NALCN: variants seen among roughly 807,000 people sequenced by gnomAD.
NALCN encodes the protein sodium leak channel NALCN.
A neutral mutation model predicts 225.3 loss-of-function variants in NALCN; 111 were observed. The observed-to-expected ratio is 0.49, with a 90% CI of 0.42 to 0.58. The LOEUF is 0.58. NALCN is among the 20% of genes least tolerant of loss of function. The pLI is 0.00. For missense variants in NALCN, 1,378 were observed against 2,202.4 expected (o/e 0.63, Z 7.49); for synonymous variants, 764 against 769.0 (o/e 0.99, Z 0.11).
intron 11 of NALCN, among the ~76,000 whole-genome samples, chr13:101,239,675 T>C (rs893813720): frequency 6.6e-6 from 1 of 152,092 alleles, no homozygotes; most frequent in African/African-American, 2.4e-5. Context: ...ACATTGCTAC[T>C]TCAATAAAAA....
chr13:101,378,900 T>A (rs1242587610), intron 3 of NALCN, among the ~76,000 whole-genome samples: 1 of 100,968 alleles, frequency 9.9e-6, no homozygotes, highest in Non-Finnish European at 2.6e-5. Context: ...ATATCACTAT[T>A]TTTTTTTTCT....
At chr13:101,103,519 A>T (rs920629821) in intron 25 of NALCN, among the ~76,000 whole-genome samples, 180 bp from the exon 26 acceptor site, 1 of 151,970 alleles carries the variant, frequency 6.6e-6, no homozygotes, top group Non-Finnish European at 1.5e-5. Flanking sequence ...CTCAAAGGAA[A>T]GTCATCATGT....
chr13:101,142,389 G>T (rs148216361), intron 17 of NALCN, among the ~76,000 whole-genome samples: 1 of 151,818 alleles, frequency 6.6e-6, no homozygotes, highest in Admixed American at 6.6e-5. Context: ...TGATCCACCC[G>T]CCTCGGCCTC....
chr13:101,215,363 T>A (rs2140091829), intron 13 of NALCN, among the ~76,000 whole-genome samples: 1 of 152,306 alleles, frequency 6.6e-6, no homozygotes, highest in Admixed American at 6.5e-5. Flanking sequence ...AACACCTGGA[T>A]GCATTACTTT....
rs767899309 is a variant in NALCN at position 101,346,057 on chromosome 13, TTCTCTCTCTC to T, written c.645-647_645-638del. 1.6e-4 allele frequency among the ~76,000 whole-genome samples: 12 copies of T among 75,558 alleles called. No homozygotes were observed. In the East Asian group the frequency reaches 1.8e-3, roughly 12 times the overall value. The allele number at this position is 75,558 out of a possible 152,430, so 49.6% of individuals were successfully genotyped here. On this transcript the variant is annotated intron_variant, in intron 6 of 43. Coordinates refer to ENST00000251127, the MANE Select transcript of NALCN (RefSeq NM_052867.4). ...TATATATATGAGACCTTGAGAGACT[TTCTCTCTCTC>T]TCTCTCTCTCTCTCTCTCTCTATAT...
chr13:101,354,474 G>A (rs2045992330), intron 6 of NALCN, among the ~76,000 whole-genome samples: 1 of 152,184 alleles, frequency 6.6e-6, no homozygotes, highest in African/African-American at 2.4e-5. Context: ...TGGGCCAAGA[G>A]ATCCTCACGC....
chr13:101,334,804 T>G (rs145640573), intron 7 of NALCN, among the ~76,000 whole-genome samples: 1,788 of 152,074 alleles, frequency 0.012, 35 homozygotes, highest in African/African-American at 0.04. Context: ...TGAAAACCAC[T>G]TAAATGTCTA....
chr13:101,281,375 A>G (rs895681442), intron 10 of NALCN, among the ~76,000 whole-genome samples: 1 of 152,192 alleles, frequency 6.6e-6, no homozygotes, highest in South Asian at 2.1e-4. Context: ...AGACTATCTT[A>G]GTGTCTAGCA....
intron 3 of NALCN, among the ~76,000 whole-genome samples, chr13:101,380,484 T>C (rs1371433173): frequency 2.0e-5 from 3 of 152,182 alleles, no homozygotes; most frequent in African/African-American, 7.2e-5. Flanking sequence ...CCTTTGCTTT[T>C]TTAGGACTAT....
At chr13:101,170,163 G>A (rs761948786) in intron 15 of NALCN, among the ~76,000 whole-genome samples, 1 of 152,174 alleles carries the variant, frequency 6.6e-6, no homozygotes, top group East Asian at 1.9e-4. Context: ...TTATTTTAAG[G>A]TATTGGCTCA....
chr13:101,167,334 A>G (rs937631161), intron 15 of NALCN, among the ~76,000 whole-genome samples: 8 of 152,252 alleles, frequency 5.3e-5, no homozygotes, highest in African/African-American at 1.7e-4. Flanking sequence ...TAAGCCTTCC[A>G]GTTCTTCAAC....
intron 7 of NALCN, among the ~76,000 whole-genome samples, chr13:101,326,347 G>A (rs1594680959): frequency 6.6e-6 from 1 of 152,158 alleles, no homozygotes; most frequent in Admixed American, 6.5e-5. Context: ...GAATGAATGA[G>A]TGAATGAATA....
chr13:101,251,082 T>C (rs1173181335), intron 11 of NALCN, among the ~76,000 whole-genome samples: 1 of 152,112 alleles, frequency 6.6e-6, no homozygotes, highest in Non-Finnish European at 1.5e-5. Context: ...AATTTAACAA[T>C]ATTTAGCAAA....
intron 13 of NALCN, among the ~76,000 whole-genome samples, chr13:101,209,914 A>C (rs992120057): frequency 6.6e-6 from 1 of 152,214 alleles, no homozygotes; most frequent in Non-Finnish European, 1.5e-5. Context: ...GAATTTAGCA[A>C]GTACATTTCT....
intron 42 of NALCN, chr13:101,058,686 C>CTT: frequency 8.1e-6 from 1 of 123,794 alleles, no homozygotes; most frequent in East Asian, 2.4e-4. Context: ...TCACCTCTTT[C>CTT]TTTCTTAGGC....
chr13:101,283,241 G>A (rs1359096244), intron 10 of NALCN, among the ~76,000 whole-genome samples: 1 of 152,124 alleles, frequency 6.6e-6, no homozygotes, highest in Non-Finnish European at 1.5e-5. Flanking sequence ...TGATATTTAG[G>A]GGGCAAGGAG....
At chr13:101,213,027 C>G (rs3858786) in intron 13 of NALCN, among the ~76,000 whole-genome samples, 304 of 151,816 alleles carry the variant, frequency 2.0e-3, no homozygotes, top group African/African-American at 7.1e-3. Context: ...GGAGGCATCA[C>G]GCTACCTGAC....
intron 17 of NALCN, among the ~76,000 whole-genome samples, chr13:101,128,908 C>A (rs2036374915): frequency 6.6e-6 from 1 of 152,098 alleles, no homozygotes; most frequent in Non-Finnish European, 1.5e-5. Flanking sequence ...TGGTACAGTT[C>A]AACACGTTCT....
At chr13:101,185,919 G>A (rs989196016) in intron 14 of NALCN, among the ~76,000 whole-genome samples, 1 of 152,070 alleles carries the variant, frequency 6.6e-6, no homozygotes, top group African/African-American at 2.4e-5. Context: ...TCACCCATTT[G>A]GGTTAAAATG....
Sources: gnomAD v4.1 joint callset for allele counts (sites outside exome capture counted in the v4.1 genomes callset) on GRCh38, gnomAD v4.1.1 for gene constraint, MANE v1.5 for transcripts, NCBI Gene and HGNC (gene_info 2026-07-23, HGNC 2026-07-21) for gene names.